Variants in AGXT2 observed in about 807,000 individuals in gnomAD.
AGXT2 encodes alanine--glyoxylate aminotransferase 2, also known as alanine--glyoxylate aminotransferase 2, mitochondrial.
In AGXT2, 61 loss-of-function variants were observed where a neutral mutation model predicts 62.5. The ratio of observed to expected loss-of-function variants is 0.98; its 90% CI spans 0.79 to 1.21. The LOEUF is 1.21. AGXT2 is among the 50% of genes most tolerant of loss of function. AGXT2 has a pLI of 0.00. For missense variants in AGXT2, 666 were observed against 641.5 expected (o/e 1.04, Z -0.41); for synonymous variants, 243 against 218.7 (o/e 1.11, Z -0.98).
At chr5:35,040,703 C>T (rs773509278) in intron 1 of AGXT2, 40 bp from the exon 2 acceptor site, 1 of 1,503,774 alleles carries the variant, frequency 6.6e-7, no homozygotes, top group Non-Finnish European at 9.3e-7. Flanking sequence ...CTAAGCATGA[C>T]ATAGGTCTGT....
chr5:35,019,310 C>A (rs1440438244), intron 9 of AGXT2, among the ~76,000 whole-genome samples: 1 of 149,350 alleles, frequency 6.7e-6, no homozygotes, highest in Non-Finnish European at 1.5e-5. Flanking sequence ...CAAAAATTGA[C>A]CACATACTTG....
At chr5:35,024,006 C>T (rs1416682802) in intron 9 of AGXT2, among the ~76,000 whole-genome samples, 2 of 151,968 alleles carry the variant, frequency 1.3e-5, no homozygotes, top group Non-Finnish European at 2.9e-5. Flanking sequence ...CATTCTCCTG[C>T]GTCAGCGTCC....
intron 5 of AGXT2, among the ~76,000 whole-genome samples, chr5:35,034,841 C>A (rs565665394): frequency 6.6e-6 from 1 of 152,118 alleles, no homozygotes; most frequent in Admixed American, 6.5e-5. Flanking sequence ...TAAAATAGGC[C>A]GGTATTTTTT....
At chr5:35,001,312 C>T (rs1253986025) in intron 13 of AGXT2, among the ~76,000 whole-genome samples, 1 of 152,148 alleles carries the variant, frequency 6.6e-6, no homozygotes, top group Non-Finnish European at 1.5e-5. Flanking sequence ...TTCTTCATAT[C>T]CACAGTCTGT....
At chr5:35,038,999 G>T (rs1348231667) in intron 3 of AGXT2, among the ~76,000 whole-genome samples, 1 of 152,016 alleles carries the variant, frequency 6.6e-6, no homozygotes, top group Non-Finnish European at 1.5e-5. Context: ...TCTGAGAGCC[G>T]CCTGCCTTTC....
chr5:35,025,234 G>A (rs1001050415), intron 9 of AGXT2, among the ~76,000 whole-genome samples: 2 of 152,016 alleles, frequency 1.3e-5, no homozygotes, highest in African/African-American at 4.8e-5. Context: ...AAATTAGTCA[G>A]GCTTGGTGGC....
intron 3 of AGXT2, among the ~76,000 whole-genome samples, chr5:35,038,673 C>T (rs1010576236): frequency 6.6e-6 from 1 of 152,126 alleles, no homozygotes; most frequent in African/African-American, 2.4e-5. Flanking sequence ...TATTGCTTTC[C>T]CCTAACTTAG....
At chr5:35,014,452 C>CAAAAAAAAA (rs61052930) in intron 9 of AGXT2, among the ~76,000 whole-genome samples, 17 of 86,094 alleles carry the variant, frequency 2.0e-4, no homozygotes, top group Non-Finnish European at 2.8e-4. Context: ...GACTCCATCT[C>CAAAAAAAAA]AAAAAAAAAA....
rs949075170 is a variant in AGXT2 at position 35,037,179 on chromosome 5, A to G, written c.363-114T>C. 7 of 1,491,030 alleles carry G rather than the reference A, an allele frequency of 4.7e-6. No individual in the cohort carries two copies. In the East Asian group the frequency reaches 1.4e-4, roughly 31 times the overall value. The allele number at this position is 1,491,030 out of a possible 1,614,324, so 92.4% of individuals were successfully genotyped here. A position where few individuals can be genotyped will look rare whatever the true frequency, so the allele number is the denominator to read the frequency against. ...TTTCTCAAAGAGTTTCAAGAGGCAG[A>G]TTTTATTTACACATGAGAATAAACT... On this transcript the variant is annotated intron_variant, in intron 3 of 13. Coordinates refer to ENST00000231420, the MANE Select transcript of AGXT2 (RefSeq NM_031900.4).
intron 1 of AGXT2, among the ~76,000 whole-genome samples, chr5:35,044,510 TG>T (rs1768112555): frequency 2.0e-5 from 3 of 152,216 alleles, no homozygotes; most frequent in Non-Finnish European, 4.4e-5. Flanking sequence ...GCCAGGTGCC[TG>T]CATCCGCTAA....
intron 7 of AGXT2, among the ~76,000 whole-genome samples, chr5:35,028,146 G>T (rs1355179852): frequency 6.6e-6 from 1 of 151,930 alleles, no homozygotes; most frequent in Non-Finnish European, 1.5e-5. Flanking sequence ...AATTCTCTCA[G>T]GGTCAAAGGG....
intron 12 of AGXT2, among the ~76,000 whole-genome samples, chr5:35,006,046 C>T (rs1428281): frequency 0.62 from 94,673 of 151,886 alleles, 31,546 homozygotes; most frequent in Non-Finnish European, 0.74. Flanking sequence ...CATTTAATAA[C>T]GTTTGGCAAT....
At chr5:35,017,567 T>G (rs1766891838) in intron 9 of AGXT2, among the ~76,000 whole-genome samples, 1 of 152,228 alleles carries the variant, frequency 6.6e-6, no homozygotes, top group Non-Finnish European at 1.5e-5. Flanking sequence ...AAGATGTGCC[T>G]TCTGCATTCC....
intron 10 of AGXT2, among the ~76,000 whole-genome samples, chr5:35,013,785 A>G (rs1369921052): frequency 1.6e-5 from 2 of 129,000 alleles, no homozygotes; most frequent in African/African-American, 6.7e-5. Context: ...TCTGTCTCAA[A>G]AAAAAAAAAA....
chr5:34,998,781 C>G lies in AGXT2; in HGVS notation c.1483G>C (p.Asp495His). 1.9e-6 allele frequency: 3 copies of G among 1,614,048 alleles called. No individual in the cohort carries two copies. The highest frequency in any genetic ancestry group is 8.5e-7 in the Non-Finnish European group (1 of 1,180,024). Reference sequence around the variant, plus strand: ...GAACGAAATACTTCTACTGCAAAATCAACTTCTGGTTTAGTGATGCACATT... The same window carrying G: ...GAACGAAATACTTCTACTGCAAAATGAACTTCTGGTTTAGTGATGCACATT... ...PSMCITKPEV[D>H]FAVEVFRSAL... The change falls in exon 14 of 14, where the codon GAT (aspartate) becomes CAT (histidine). Residue 495 changes from aspartate to histidine, a missense_variant. Asp to His is a moderately conservative substitution (Grantham distance 81). Transcript: ENST00000231420.
chr5:35,015,667 T>C (rs1382676560), intron 9 of AGXT2, among the ~76,000 whole-genome samples: 1 of 151,812 alleles, frequency 6.6e-6, no homozygotes, highest in African/African-American at 2.4e-5. Context: ...CTGGCCAACA[T>C]GATGAAACCT....
At chr5:35,022,545 G>A (rs1767148613) in intron 9 of AGXT2, among the ~76,000 whole-genome samples, 1 of 139,564 alleles carries the variant, frequency 7.2e-6, no homozygotes, top group Non-Finnish European at 1.5e-5. Flanking sequence ...GACACAGGAA[G>A]GGGAGCATCA....
rs575842655 is a variant in AGXT2, at chr5:34,998,717, T to C, written c.*2A>G. On this transcript the variant is annotated 3_prime_UTR_variant, in exon 14 of 14. Coordinates refer to ENST00000231420, the MANE Select transcript of AGXT2 (RefSeq NM_031900.4). Reference sequence around the variant, plus strand: ...TTGTGGTTTTATTTATTTCTGACAATGTTACTTAGCTCTTCTTTCCATGTG... The same window carrying C: ...TTGTGGTTTTATTTATTTCTGACAACGTTACTTAGCTCTTCTTTCCATGTG... 2.4e-4 allele frequency: 385 copies of C among 1,606,918 alleles called. 3 individuals are homozygous for C. The South Asian group carries it at 3.0e-3, about 13-fold the overall frequency.
intron 9 of AGXT2, among the ~76,000 whole-genome samples, chr5:35,025,290 C>T (rs1463169431): frequency 1.3e-5 from 2 of 152,128 alleles, no homozygotes; most frequent in African/African-American, 4.8e-5. Context: ...GCAGAAGAAT[C>T]CCTTGAACCC....
Sources: gnomAD v4.1 joint callset for allele counts (sites outside exome capture counted in the v4.1 genomes callset) on GRCh38, gnomAD v4.1.1 for gene constraint, MANE v1.5 for transcripts, NCBI Gene and HGNC (gene_info 2026-07-23, HGNC 2026-07-21) for gene names.